ARSG: variants seen among roughly 807,000 people sequenced by gnomAD.
The protein encoded by ARSG is ASG.
A neutral mutation model predicts 50.5 loss-of-function variants in ARSG; 37 were observed. The observed-to-expected ratio is 0.73, with a 90% CI of 0.56 to 0.96. The LOEUF (loss-of-function observed/expected upper bound fraction) is 0.96. Ranked by LOEUF, ARSG falls within the 50% of genes least tolerant of loss-of-function variation. The probability of loss-of-function intolerance (pLI) is 0.00; values close to 1 mark genes in which losing one functional copy is unlikely to be tolerated. For missense variants in ARSG, 629 were observed against 675.3 expected, an observed-to-expected ratio of 0.93 and a Z score of 0.76; for synonymous variants, 225 against 254.6, an observed-to-expected ratio of 0.88 and a Z score of 1.11.
intron 1 of ARSG, among the ~76,000 whole-genome samples, chr17:68,276,584 GA>G (rs2075529485): frequency 6.6e-6 from 1 of 152,104 alleles, no homozygotes; most frequent in Admixed American, 6.5e-5. Flanking sequence ...GAGTAGCTGG[GA>G]TCACAGGTGT....
At chr17:68,436,422 A>AG in the ARSG span, 1 of 1,614,074 alleles carries the variant, frequency 6.2e-7, no homozygotes, top group South Asian at 1.1e-5. Context: ...CCCTGAAGTC[A>AG]GGCTTCCAGG....
intron 6 of ARSG, among the ~76,000 whole-genome samples, chr17:68,368,345 C>T (rs2079651156): frequency 6.6e-6 from 1 of 152,236 alleles, no homozygotes; most frequent in Admixed American, 6.5e-5. Flanking sequence ...GGGATAGTAA[C>T]TGTTATTACA....
intron 6 of ARSG, among the ~76,000 whole-genome samples, chr17:68,363,778 C>T (rs1028847801): frequency 1.3e-5 from 2 of 152,014 alleles, no homozygotes; most frequent in African/African-American, 4.8e-5. Flanking sequence ...AGCCCTAGTA[C>T]GTTTCTAAAT....
chr17:68,430,643 C>A, the ARSG span, among the ~76,000 whole-genome samples: 4 of 152,178 alleles, frequency 2.6e-5, no homozygotes, highest in Non-Finnish European at 5.9e-5. Flanking sequence ...TTGTAGATAA[C>A]CCTGGAGTCA....
chr17:68,355,102 G>C (rs191474171), intron 5 of ARSG, among the ~76,000 whole-genome samples: 1 of 152,280 alleles, frequency 6.6e-6, no homozygotes, highest in Non-Finnish European at 1.5e-5. Flanking sequence ...TGGTGACCAG[G>C]ACTGAGAGCT....
intron 1 of ARSG, among the ~76,000 whole-genome samples, chr17:68,302,865 T>C (rs2076471290): frequency 6.6e-6 from 1 of 152,172 alleles, no homozygotes; most frequent in Non-Finnish European, 1.5e-5. Context: ...TTGTGGGATT[T>C]GTTGACTGAC....
downstream of ARSG, chr17:68,426,247 A>AGGGGGGG: frequency 4.6e-6 from 3 of 655,810 alleles, 1 homozygote; most frequent in Non-Finnish European, 7.0e-6. Context: ...GCGGGTGGGG[A>AGGGGGGG]GCGGGGGCTC....
At chr17:68,400,083 G>A (rs755583678) in intron 10 of ARSG, 11 of 152,214 alleles carry the variant, frequency 7.2e-5, no homozygotes, top group Non-Finnish European at 1.3e-4. Flanking sequence ...GTGAAACTCC[G>A]GGGGACAGCT....
chr17:68,307,430 C>T lies in ARSG; in HGVS notation c.-64C>T. The T allele has an allele frequency of 7.6e-7, 1 of 1,322,682 alleles. No homozygotes were observed. Among genetic ancestry groups the T allele is most frequent in the Non-Finnish European group, 1.1e-6 (1 of 933,006 alleles). The allele number at this position is 1,322,682 out of a possible 1,614,324, so 81.9% of individuals were successfully genotyped here. On this transcript the variant is annotated 5_prime_UTR_variant, in exon 2 of 12. Transcript: ENST00000621439. ...TTTGAAAGTGAGCAGAAAGGAAGCT[C>T]TCAGAAAAATCTCTAGTGGTGGCTG...
rs2078548781 is a variant in ARSG, at chr17:68,347,145, C to T, written c.427C>T (p.His143Tyr). 2 of 1,613,944 alleles carry T rather than the reference C, an allele frequency of 1.2e-6. No individual in the cohort carries two copies. The highest frequency in any genetic ancestry group is 3.3e-5 in the Admixed American group (2 of 60,006). Residue 143 changes from histidine (H) to tyrosine (Y), a missense_variant, in exon 4 of 12, where the codon CAC becomes TAC. Physicochemically the swap from His to Tyr is moderately conservative, Grantham distance 83. Coordinates refer to ENST00000621439, the MANE Select transcript of ARSG (RefSeq NM_001267727.2). Reference protein sequence around the residue: ...GIIGKWHLGHHGSYHPNFRGF... With the variant: ...GIIGKWHLGHYGSYHPNFRGF... ...TACAGGCAAATGGCATCTTGGACAC[C>T]ACGGCTCTTATCACCCCAACTTCCG...
chr17:68,386,138 A>T (rs557687899), intron 9 of ARSG, among the ~76,000 whole-genome samples: 3 of 152,316 alleles, frequency 2.0e-5, no homozygotes, highest in Admixed American at 2.0e-4. Flanking sequence ...TGCAGCGTCT[A>T]TGTGAAAACA....
At chr17:68,429,763 A>G in the ARSG span, among the ~76,000 whole-genome samples, 2 of 152,016 alleles carry the variant, frequency 1.3e-5, no homozygotes, top group African/African-American at 4.8e-5. Context: ...TAATTTTTGT[A>G]TTTTTAGTAG....
At chr17:68,273,561 A>AT (rs1203292240) in intron 1 of ARSG, among the ~76,000 whole-genome samples, 4 of 152,164 alleles carry the variant, frequency 2.6e-5, no homozygotes, top group African/African-American at 9.7e-5. Context: ...GCCCCCAAGA[A>AT]TAAGTCTGGC....
intron 1 of ARSG, among the ~76,000 whole-genome samples, chr17:68,303,374 C>T (rs2076491566): frequency 6.6e-6 from 1 of 152,216 alleles, no homozygotes; most frequent in Non-Finnish European, 1.5e-5. Flanking sequence ...AGTCCTCCCA[C>T]CTTGCCTCCC....
At chr17:68,437,112 C>G in the ARSG span, among the ~76,000 whole-genome samples, 1 of 152,022 alleles carries the variant, frequency 6.6e-6, no homozygotes, top group Admixed American at 6.5e-5. Flanking sequence ...CCATTATCCT[C>G]TAGGGTTACA....
chr17:68,320,203 C>A (rs57861646), intron 2 of ARSG, among the ~76,000 whole-genome samples: 1 of 151,674 alleles, frequency 6.6e-6, no homozygotes, highest in Non-Finnish European at 1.5e-5. Flanking sequence ...ACAGGCGAAT[C>A]GCTTAGAACC....
At chr17:68,346,746 C>A in intron 3 of ARSG, 1 of 1,283,736 alleles carries the variant, frequency 7.8e-7, no homozygotes, top group South Asian at 1.2e-5. Context: ...GGTGCACCTG[C>A]ACCCTGGGCC....
downstream of ARSG, chr17:68,422,494 G>A (rs2082863177): frequency 6.6e-6 from 1 of 150,950 alleles, no homozygotes; most frequent in African/African-American, 2.4e-5. Flanking sequence ...CACTTTAGGA[G>A]GCTGAGGGGG....
Position 68,401,045 on chromosome 17 carries a change from A to G in ARSG, c.1213-315A>G, listed in dbSNP as rs1272082747. ...TTTTATTTTCTTTTGCTGTTTCGAG[A>G]CAGGATCTTGCTCTATCACCCAGGC... On this transcript the variant is annotated intron_variant, in intron 10 of 11. Coordinates refer to ENST00000621439, the MANE Select transcript of ARSG (RefSeq NM_001267727.2). The G allele has an allele frequency of 2.3e-5, 6 of 256,950 alleles. No homozygotes were observed. In the East Asian group the frequency reaches 5.1e-4, roughly 22 times the overall value. The allele number at this position is 256,950 out of a possible 1,614,324, so 15.9% of individuals were successfully genotyped here.
Sources: gnomAD v4.1 joint callset for allele counts (sites outside exome capture counted in the v4.1 genomes callset) on GRCh38, gnomAD v4.1.1 for gene constraint, MANE v1.5 for transcripts, NCBI Gene and HGNC (gene_info 2026-07-23, HGNC 2026-07-21) for gene names.